Variants in DCC observed in about 807,000 individuals in gnomAD.
DCC encodes netrin receptor DCC.
DCC carries 58 observed loss-of-function variants against 172.5 expected under a neutral mutation model. That is an observed-to-expected ratio of 0.34 (90% CI 0.27 to 0.42). The LOEUF is 0.42. Ranked by LOEUF, DCC falls within the 10% of genes least tolerant of loss-of-function variation. The pLI, the probability that DCC is intolerant of heterozygous loss-of-function variation, is 1.00. For missense variants in DCC, 1,740 were observed against 1,791.0 expected (o/e 0.97, Z 0.51); for synonymous variants, 709 against 644.5 (o/e 1.10, Z -1.52).
At chr18:53,257,355 T>C (rs1269548631) in intron 12 of DCC, among the ~76,000 whole-genome samples, 1 of 152,230 alleles carries the variant, frequency 6.6e-6, no homozygotes, top group African/African-American at 2.4e-5. Context: ...GGGTTTGTCA[T>C]AGATAGCTCT....
At chr18:52,551,461 T>C (rs978114138) in intron 1 of DCC, among the ~76,000 whole-genome samples, 5 of 151,946 alleles carry the variant, frequency 3.3e-5, no homozygotes, top group African/African-American at 1.2e-4. Context: ...TGATTACCTT[T>C]GAAGGAATAC....
intron 1 of DCC, among the ~76,000 whole-genome samples, chr18:52,538,793 C>T (rs1000933583): frequency 6.6e-6 from 1 of 152,038 alleles, no homozygotes; most frequent in South Asian, 2.1e-4. Flanking sequence ...ACCTTGATTG[C>T]AAATTCTTCT....
chr18:53,142,631 A>G (rs1461404317), intron 7 of DCC, among the ~76,000 whole-genome samples: 1 of 152,154 alleles, frequency 6.6e-6, no homozygotes, highest in Non-Finnish European at 1.5e-5. Flanking sequence ...ATAATTTTAC[A>G]TTTACATGAA....
chr18:52,964,110 TAGAG>T (rs2040890252), intron 5 of DCC, among the ~76,000 whole-genome samples: 1 of 152,154 alleles, frequency 6.6e-6, no homozygotes, highest in African/African-American at 2.4e-5. Context: ...CTACAGAGCA[TAGAG>T]AGAATAAATA....
Position 52,693,458 on chromosome 18 carries a change from C to T in DCC, c.92-58596C>T, listed in dbSNP as rs1241986475. On this transcript the variant is annotated intron_variant, in intron 1 of 28. Coordinates refer to ENST00000442544, the MANE Select transcript of DCC (RefSeq NM_005215.4). ...ATATATGGGATATATATCTTTATAT[C>T]TATGTGTCTGTATATATAATATAAT... 8.2e-5 allele frequency among the ~76,000 whole-genome samples: 12 copies of T among 147,000 alleles called. No homozygotes were observed. In the Admixed American group the frequency reaches 8.2e-4, roughly 10 times the overall value.
intron 1 of DCC, among the ~76,000 whole-genome samples, chr18:52,404,728 T>G (rs1021268232): frequency 1.3e-5 from 2 of 151,676 alleles, no homozygotes; most frequent in Admixed American, 1.3e-4. Context: ...TAGTTACATA[T>G]GTATACATGT....
Position 52,925,189 on chromosome 18 carries a change from A to G in DCC, c.849-45A>G, listed in dbSNP as rs374978398. ...TAAAGCTCTGAGTATCTTGCTTAAT[A>G]TATACATATGTTAATTTACTCTGCA... On this transcript the variant is annotated intron_variant, in intron 4 of 28. Coordinates refer to ENST00000442544, the MANE Select transcript of DCC (RefSeq NM_005215.4). The G allele has an allele frequency of 2.6e-5, 42 of 1,587,608 alleles. No individual in the cohort carries two copies. The African/African-American group carries it at 4.7e-4, about 18-fold the overall frequency.
intron 20 of DCC, among the ~76,000 whole-genome samples, chr18:53,414,510 T>C (rs1910185203): frequency 6.6e-6 from 1 of 152,256 alleles, no homozygotes; most frequent in Non-Finnish European, 1.5e-5. Context: ...TACTTTTCAA[T>C]TATATCTCAA....
intron 2 of DCC, among the ~76,000 whole-genome samples, chr18:52,862,691 G>A (rs2039162276): frequency 6.6e-6 from 1 of 151,842 alleles, no homozygotes; most frequent in Non-Finnish European, 1.5e-5. Context: ...GAGCAAGACT[G>A]TTGTCTCCAA....
intron 1 of DCC, among the ~76,000 whole-genome samples, chr18:52,429,047 A>T (rs1026264916): frequency 2.0e-5 from 3 of 152,100 alleles, no homozygotes; most frequent in Admixed American, 2.0e-4. Flanking sequence ...TACTTCTGCT[A>T]TCTAAACATC....
chr18:52,979,661 G>C (rs920984422), intron 5 of DCC, among the ~76,000 whole-genome samples: 1 of 152,162 alleles, frequency 6.6e-6, no homozygotes, highest in Non-Finnish European at 1.5e-5. Flanking sequence ...CTTGTGTTCA[G>C]AGTTACCCAT....
At chr18:52,782,364 G>A (rs1454362791) in intron 2 of DCC, among the ~76,000 whole-genome samples, 1 of 150,744 alleles carries the variant, frequency 6.6e-6, no homozygotes. Flanking sequence ...TCATGATTCT[G>A]AGACACGTGC....
chr18:52,493,924 T>C (rs1426709460), intron 1 of DCC, among the ~76,000 whole-genome samples: 1 of 152,060 alleles, frequency 6.6e-6, no homozygotes, highest in Admixed American at 6.6e-5. Flanking sequence ...TATAATCACA[T>C]ATTTATTCTT....
In DCC at chr18:53,534,935, C is replaced by G. The variant is rs2046558099; in HGVS notation, c.*4282C>G. On this transcript the variant is annotated 3_prime_UTR_variant, in exon 29 of 29. Transcript: ENST00000442544. The stretch of plus-strand genomic sequence containing the variant: ...TTACTCTCAATAGAGAGCCTTTGTA[C>G]ATTGTCATCCTATGATTGTTGTTGG... The G allele has an allele frequency of 6.6e-6, 1 of 152,156 alleles. No individual in the cohort carries two copies. The highest frequency in any genetic ancestry group is 6.5e-5 in the Admixed American group (1 of 15,274). 9.4% of individuals were successfully genotyped at this position (152,156 alleles called of 1,614,324 possible). A position where few individuals can be genotyped will look rare whatever the true frequency, so the allele number is the denominator to read the frequency against.
At chr18:52,560,520 T>C (rs2033012768) in intron 1 of DCC, among the ~76,000 whole-genome samples, 1 of 152,200 alleles carries the variant, frequency 6.6e-6, no homozygotes, top group Non-Finnish European at 1.5e-5. Context: ...AGCCTGTTTA[T>C]GAACTAGTGA....
At chr18:53,517,443 T>TATA (rs71179517) in intron 27 of DCC, among the ~76,000 whole-genome samples, 48,035 of 142,354 alleles carry the variant, frequency 0.34, 9,135 homozygotes, top group Non-Finnish European at 0.45. Flanking sequence ...AAACTTAAAA[T>TATA]ATAATAATAA....
intron 1 of DCC, among the ~76,000 whole-genome samples, chr18:52,502,230 A>G (rs1472665041): frequency 1.3e-5 from 2 of 152,216 alleles, no homozygotes; most frequent in Non-Finnish European, 2.9e-5. Flanking sequence ...TAAAGAAATT[A>G]TAAACTAGAA....
intron 5 of DCC, among the ~76,000 whole-genome samples, chr18:53,059,543 A>G (rs913988138): frequency 3.3e-5 from 5 of 152,094 alleles, no homozygotes; most frequent in Non-Finnish European, 5.9e-5. Flanking sequence ...ACCCTCTCCC[A>G]TGTTATGTAA....
At chr18:52,681,854 A>G (rs982282539) in intron 1 of DCC, among the ~76,000 whole-genome samples, 2 of 152,018 alleles carry the variant, frequency 1.3e-5, no homozygotes, top group Non-Finnish European at 2.9e-5. Context: ...AGCTTCCAAC[A>G]TGAAGATTGA....
Sources: allele counts gnomAD v4.1 joint callset (sites outside exome capture counted in the v4.1 genomes callset), GRCh38; gene constraint gnomAD v4.1.1; transcripts MANE v1.5; gene names NCBI Gene and HGNC (gene_info 2026-07-23, HGNC 2026-07-21).